The following NXPE2 variants were observed in gnomAD, a reference collection of about 807,000 sequenced individuals.
NXPE2 encodes the protein NXPE family member 2.
In NXPE2, 34 loss-of-function variants were observed where a neutral mutation model predicts 34.4. The ratio of observed to expected loss-of-function variants is 0.99; its 90% CI spans 0.75 to 1.31. The LOEUF (loss-of-function observed/expected upper bound fraction) is 1.31, where lower values mean the gene tolerates loss of function less well. Among genes scored for constraint, NXPE2 ranks in the 40% most tolerant of loss-of-function variants. NXPE2 has a pLI of 0.00. For missense variants in NXPE2, 649 were observed against 672.5 expected, an observed-to-expected ratio of 0.97 and a Z score of 0.39; for synonymous variants, 235 against 231.3, an observed-to-expected ratio of 1.02 and a Z score of -0.15.
chr11:114,807,612 TA>T, the NXPE2 span, among the ~76,000 whole-genome samples: 1 of 150,896 alleles, frequency 6.6e-6, no homozygotes. Context: ...TACATAATGG[TA>T]AAGGGATCAA....
At chr11:114,753,057 G>A in the NXPE2 span, among the ~76,000 whole-genome samples, 113 of 152,298 alleles carry the variant, frequency 7.4e-4, no homozygotes, top group Middle Eastern at 6.8e-3. Flanking sequence ...AGAGTATGTT[G>A]CATAAAAGCC....
the NXPE2 span, among the ~76,000 whole-genome samples, chr11:114,625,712 C>A: frequency 3.3e-5 from 5 of 152,164 alleles, no homozygotes; most frequent in Non-Finnish European, 7.4e-5. Context: ...CTACAGCTCC[C>A]AGCATGAGCG....
chr11:114,634,219 G>A, the NXPE2 span, among the ~76,000 whole-genome samples: 3 of 151,710 alleles, frequency 2.0e-5, no homozygotes, highest in African/African-American at 7.3e-5. Context: ...GCCAGTGATG[G>A]TGAGCATTTT....
chr11:114,669,826 G>A, the NXPE2 span, among the ~76,000 whole-genome samples: 10 of 152,050 alleles, frequency 6.6e-5, no homozygotes, highest in Admixed American at 2.0e-4. Context: ...ATTGGTTGTA[G>A]GCAATTATGC....
chr11:114,622,092 A>G, the NXPE2 span, among the ~76,000 whole-genome samples: 3 of 151,784 alleles, frequency 2.0e-5, no homozygotes, highest in Non-Finnish European at 4.4e-5. Context: ...GATAATAAGT[A>G]CTGCCTCATC....
chr11:114,464,685 C>T, the NXPE2 span, among the ~76,000 whole-genome samples: 1 of 152,024 alleles, frequency 6.6e-6, no homozygotes, highest in East Asian at 1.9e-4. Context: ...TACACATGAG[C>T]ACATAGCATA....
At chr11:114,763,717 A>T in the NXPE2 span, among the ~76,000 whole-genome samples, 1 of 152,208 alleles carries the variant, frequency 6.6e-6, no homozygotes, top group Non-Finnish European at 1.5e-5. Flanking sequence ...AATTAATTAA[A>T]GTTGGGAGGA....
In NXPE2 at chr11:114,706,550, G is replaced by A. The variant is rs977425123; in HGVS notation, c.1300G>A (p.Glu434Lys). 1.1e-5 allele frequency: 17 copies of A among 1,551,864 alleles called. No individual in the cohort carries two copies. The highest frequency in any genetic ancestry group is 1.3e-5 in the Non-Finnish European group (15 of 1,147,018). Reference protein sequence around the residue: ...SVKDENYIPREIDQVAGDKNT... With the variant: ...SVKDENYIPRKIDQVAGDKNT... The stretch of plus-strand genomic sequence containing the variant: ...GAAAGATGAAAACTATATCCCACGG[G>A]AAATTGACCAGGTAGCAGGAGACAA... Residue 434 changes from glutamate to lysine, a missense_variant, in exon 6 of 6, where the codon GAA (glutamate) becomes AAA (lysine). Transcript: ENST00000389586.
At chr11:114,731,973 G>A in the NXPE2 span, among the ~76,000 whole-genome samples, 1 of 152,102 alleles carries the variant, frequency 6.6e-6, no homozygotes, top group African/African-American at 2.4e-5. Flanking sequence ...TAAACCAACT[G>A]TGTAACTCTC....
the NXPE2 span, among the ~76,000 whole-genome samples, chr11:114,770,417 A>G: frequency 6.6e-5 from 10 of 152,238 alleles, no homozygotes; most frequent in Admixed American, 5.9e-4. Context: ...GTGAGTGTGC[A>G]TGATGCTTCC....
At chr11:114,651,312 G>C in the NXPE2 span, among the ~76,000 whole-genome samples, 1 of 151,940 alleles carries the variant, frequency 6.6e-6, no homozygotes, top group Non-Finnish European at 1.5e-5. Flanking sequence ...GAGTGAAGCC[G>C]CAGACCTTGT....
At chr11:114,608,060 G>A in the NXPE2 span, among the ~76,000 whole-genome samples, 1 of 151,620 alleles carries the variant, frequency 6.6e-6, no homozygotes, top group East Asian at 2.0e-4. Flanking sequence ...TTCCTCGGGG[G>A]TAACCACTGT....
chr11:114,641,637 A>T, the NXPE2 span, among the ~76,000 whole-genome samples: 64,420 of 151,688 alleles, frequency 0.42, 15,007 homozygotes, highest in African/African-American at 0.61. Context: ...AAAAGTAGAA[A>T]TCAAGAAATC....
At chr11:114,481,811 T>C in the NXPE2 span, among the ~76,000 whole-genome samples, 1 of 152,208 alleles carries the variant, frequency 6.6e-6, no homozygotes, top group East Asian at 1.9e-4. Flanking sequence ...TCATCTCAGT[T>C]GTGTACTTTT....
the NXPE2 span, among the ~76,000 whole-genome samples, chr11:114,771,834 G>A: frequency 6.6e-6 from 1 of 152,192 alleles, no homozygotes; most frequent in African/African-American, 2.4e-5. Flanking sequence ...ACACCATTCA[G>A]TCCCCAAAGG....
the NXPE2 span, among the ~76,000 whole-genome samples, chr11:114,622,808 C>T: frequency 9.9e-5 from 15 of 152,208 alleles, no homozygotes; most frequent in Middle Eastern, 3.4e-3. Flanking sequence ...AGTATTGCCT[C>T]ATGGGTTACC....
chr11:114,788,677 C>A, the NXPE2 span, among the ~76,000 whole-genome samples: 1 of 152,206 alleles, frequency 6.6e-6, no homozygotes, highest in African/African-American at 2.4e-5. Context: ...CCTGGAATGC[C>A]TGGCTTTGGG....
the NXPE2 span, among the ~76,000 whole-genome samples, chr11:114,467,069 C>T: frequency 6.6e-6 from 1 of 152,160 alleles, no homozygotes; most frequent in African/African-American, 2.4e-5. Flanking sequence ...CATTTATAAC[C>T]TTCTGACTCC....
At chr11:114,599,823 C>A in the NXPE2 span, among the ~76,000 whole-genome samples, 1 of 152,108 alleles carries the variant, frequency 6.6e-6, no homozygotes, top group Non-Finnish European at 1.5e-5. Context: ...GATCCAATTA[C>A]GTCCTACCAG....
Sources: gnomAD v4.1 joint callset for allele counts (sites outside exome capture counted in the v4.1 genomes callset) on GRCh38, gnomAD v4.1.1 for gene constraint, MANE v1.5 for transcripts, NCBI Gene and HGNC (gene_info 2026-07-23, HGNC 2026-07-21) for gene names.